SSBP3: variants seen among roughly 807,000 people sequenced by gnomAD.
SSBP3 encodes the protein single stranded DNA binding protein 3.
In SSBP3, 5 loss-of-function variants were observed where a neutral mutation model predicts 69.6. The ratio of observed to expected loss-of-function variants is 0.07; its 90% CI spans 0.04 to 0.15. SSBP3 has a LOEUF of 0.15. Among genes scored for constraint, SSBP3 ranks in the 10% least tolerant of loss-of-function variants. The pLI is 1.00. For missense variants in SSBP3, 312 were observed against 534.0 expected (o/e 0.58, Z 4.10); for synonymous variants, 196 against 193.4 (o/e 1.01, Z -0.11).
intron 4 of SSBP3, among the ~76,000 whole-genome samples, chr1:54,377,836 C>G (rs961689099): frequency 2.0e-5 from 3 of 152,000 alleles, no homozygotes; most frequent in African/African-American, 7.3e-5. Context: ...ATATGAAGAC[C>G]TAGAATAAAA....
chr1:54,369,964 G>T (rs1647101257), intron 4 of SSBP3, among the ~76,000 whole-genome samples: 1 of 152,160 alleles, frequency 6.6e-6, no homozygotes, highest in South Asian at 2.1e-4. Flanking sequence ...CATCCCAAGA[G>T]AAATCAAAAT....
At position 54,240,120 on chromosome 1, in the gene SSBP3, G is replaced by A. The variant is rs367684869; in HGVS notation, c.856+785C>T. ...CGCGCGTGTGCGTGCGCGCGCGCGC[G>A]CAACACATGCCCACGTATGTGCACG... On this transcript the variant is annotated intron_variant, in intron 13 of 17. Transcript: ENST00000610401. Among the ~76,000 whole-genome samples, 897 of 103,590 alleles carry A rather than the reference G, an allele frequency of 8.7e-3. 28 individuals carry two copies. The highest frequency in any genetic ancestry group is 0.024 in the African/African-American group (656 of 27,516). 68.0% of individuals were successfully genotyped at this position (103,590 alleles called of 152,430 possible).
chr1:54,235,427 G>A (rs549805221), intron 14 of SSBP3, among the ~76,000 whole-genome samples: 1 of 144,808 alleles, frequency 6.9e-6, no homozygotes. Flanking sequence ...GACTATAGGC[G>A]TGTACCACCA....
chr1:54,227,351 C>T (rs1178681277), intron 17 of SSBP3, among the ~76,000 whole-genome samples, 191 bp from the exon 18 acceptor site: 1 of 152,102 alleles, frequency 6.6e-6, no homozygotes, highest in African/African-American at 2.4e-5. Context: ...GGCCAGGAGG[C>T]GGGAGCTAAG....
chr1:54,246,568 C>G (rs753911072), intron 9 of SSBP3, among the ~76,000 whole-genome samples: 1 of 152,170 alleles, frequency 6.6e-6, no homozygotes, highest in Non-Finnish European at 1.5e-5. Flanking sequence ...CAGTACGCAG[C>G]GCTGAGCTGG....
intron 14 of SSBP3, chr1:54,238,610 C>G (rs924252470): frequency 3.0e-6 from 1 of 331,344 alleles, no homozygotes; most frequent in African/African-American, 2.2e-5. Flanking sequence ...TGAGCTGCAA[C>G]ATCACCCAAG....
chr1:54,385,866 A>C (rs1205991093), intron 4 of SSBP3, among the ~76,000 whole-genome samples: 1 of 152,200 alleles, frequency 6.6e-6, no homozygotes, highest in East Asian at 1.9e-4. Context: ...ATTAGAACCC[A>C]GGCTGCTTAA....
intron 7 of SSBP3, among the ~76,000 whole-genome samples, chr1:54,254,833 T>TTTTTCTTC (rs1348429942): frequency 1.3e-5 from 2 of 152,080 alleles, no homozygotes; most frequent in African/African-American, 4.8e-5. Flanking sequence ...TTTTTTATCT[T>TTTTTCTTC]TTTTCTTCTT....
At chr1:54,348,976 G>A (rs865981869) in intron 4 of SSBP3, among the ~76,000 whole-genome samples, 1 of 152,314 alleles carries the variant, frequency 6.6e-6, no homozygotes, top group South Asian at 2.1e-4. Flanking sequence ...AACCCAGCCC[G>A]ATGACCAGCA....
chr1:54,277,471 G>A (rs996827669), intron 5 of SSBP3, among the ~76,000 whole-genome samples: 10 of 152,170 alleles, frequency 6.6e-5, no homozygotes, highest in African/African-American at 2.4e-4. Flanking sequence ...GTTTGTGGAA[G>A]AGCACCCCAT....
intron 4 of SSBP3, among the ~76,000 whole-genome samples, chr1:54,359,424 G>A (rs374715380): frequency 6.6e-5 from 10 of 152,124 alleles, no homozygotes; most frequent in Admixed American, 1.3e-4. Flanking sequence ...AGAGGTTATC[G>A]ACTGATAAAA....
At chr1:54,373,812 T>TCAG (rs150647904) in intron 4 of SSBP3, among the ~76,000 whole-genome samples, 15,089 of 149,240 alleles carry the variant, frequency 0.1, 977 homozygotes, top group East Asian at 0.27. Flanking sequence ...GCACACCAGC[T>TCAG]CAGAATTGCC....
At chr1:54,255,074 A>ACC (rs989059834) in intron 7 of SSBP3, among the ~76,000 whole-genome samples, 5 of 126,762 alleles carry the variant, frequency 3.9e-5, no homozygotes, top group African/African-American at 6.1e-5. Flanking sequence ...CAAGTGATCC[A>ACC]CCCGCCTGAG....
intron 4 of SSBP3, among the ~76,000 whole-genome samples, chr1:54,305,245 G>C (rs1315664094): frequency 6.6e-6 from 1 of 152,192 alleles, no homozygotes; most frequent in Non-Finnish European, 1.5e-5. Context: ...CAGTAGCTGT[G>C]AGTTTCTCAG....
intron 4 of SSBP3, among the ~76,000 whole-genome samples, chr1:54,332,025 T>C (rs1646426013): frequency 6.6e-6 from 1 of 152,052 alleles, no homozygotes; most frequent in Non-Finnish European, 1.5e-5. Flanking sequence ...GGTTATCAAG[T>C]CCGAATCATC....
At chr1:54,238,446 G>A (rs1644539871) in intron 14 of SSBP3, 1 of 393,704 alleles carries the variant, frequency 2.5e-6, no homozygotes, top group Non-Finnish European at 5.3e-6. Flanking sequence ...AGAATGGAAG[G>A]GTTGCCTGTG....
chr1:54,250,468 G>C (rs1175820764), intron 9 of SSBP3, among the ~76,000 whole-genome samples: 1 of 151,536 alleles, frequency 6.6e-6, no homozygotes, highest in Non-Finnish European at 1.5e-5. Context: ...GCGGATTCTG[G>C]GATGGAGCAG....
intron 3 of SSBP3, 92 bp downstream of exon 3, chr1:54,404,484 G>T (rs1649548874): frequency 1.3e-6 from 2 of 1,497,512 alleles, no homozygotes; most frequent in Non-Finnish European, 1.9e-6. Context: ...CCACAGGGCG[G>T]AGGGCCTGCT....
At chr1:54,262,346 C>G (rs150447748) in intron 5 of SSBP3, among the ~76,000 whole-genome samples, 1 of 152,272 alleles carries the variant, frequency 6.6e-6, no homozygotes, top group East Asian at 1.9e-4. Context: ...ATTCTAGAGT[C>G]TAACAGGGTC....
Sources: allele counts gnomAD v4.1 joint callset (sites outside exome capture counted in the v4.1 genomes callset), GRCh38; gene constraint gnomAD v4.1.1; transcripts MANE v1.5; gene names NCBI Gene and HGNC (gene_info 2026-07-23, HGNC 2026-07-21).